The following COMP variants were observed in gnomAD, a reference collection of about 807,000 sequenced individuals.
The protein encoded by COMP is cartilage oligomeric matrix protein.
A neutral mutation model predicts 95.8 loss-of-function variants in COMP; 79 were observed. That is an observed-to-expected ratio of 0.82 (90% CI 0.69 to 0.99). The LOEUF (loss-of-function observed/expected upper bound fraction) is 0.99. Among genes scored for constraint, COMP ranks in the 50% least tolerant of loss-of-function variants. COMP has a pLI of 0.00. For missense variants in COMP, 906 were observed against 1,076.1 expected (o/e 0.84, Z 2.21); for synonymous variants, 438 against 433.9 (o/e 1.01, Z -0.12).
In COMP at chr19:18,786,136, C is replaced by G. The variant is rs1601053997; in HGVS notation, c.1318G>C (p.Gly440Arg). 1 of 1,614,170 alleles carries G rather than the reference C, an allele frequency of 6.2e-7. No homozygotes were observed. Among genetic ancestry groups the G allele is most frequent in the Non-Finnish European group, 8.5e-7 (1 of 1,180,042 alleles). The change falls in exon 13 of 19, where the codon GGA (glycine) becomes CGA (arginine). Residue 440 changes from glycine to arginine, a missense_variant. Gly to Arg is a moderately radical substitution (Grantham distance 125, BLOSUM62 -2). Transcript: ENST00000222271. Reference sequence around the variant, plus strand: ...CAGTTGTCCCGAGAGTCCTGATGTCCGTCTCCATCCCTAGAGTGGATAGGT... The same window carrying G: ...CAGTTGTCCCGAGAGTCCTGATGTCGGTCTCCATCCCTAGAGTGGATAGGT... ...CDSDQDQDGD[G>R]HQDSRDNCPT...
At position 18,789,263 on chromosome 19, in the gene COMP, C is replaced by G; in HGVS notation, c.425G>C (p.Cys142Ser). The G allele has an allele frequency of 6.6e-7, 1 of 1,512,216 alleles. No homozygotes were observed. The highest frequency in any genetic ancestry group is 8.8e-7 in the Non-Finnish European group (1 of 1,134,988). 93.7% of individuals were successfully genotyped at this position (1,512,216 alleles called of 1,614,324 possible). Residue 142 changes from cysteine (C) to serine (S), a missense_variant, in exon 5 of 19, where the codon TGT becomes TCT. Transcript: ENST00000222271. This position sits in a 1 kb window ranked among gnomAD's most constrained non-coding sequence, Gnocchi z 6.1. ...NAHPCFPRVR[C>S]INTSPGFRCE... Reference sequence around the variant, plus strand: ...GCGGAACCCCGGGCTGGTGTTGATACAGCGGACTCGGGGGAAGCAGGGGTG... The same window carrying G: ...GCGGAACCCCGGGCTGGTGTTGATAGAGCGGACTCGGGGGAAGCAGGGGTG...
chr19:18,790,235 G>A, intron 3 of COMP, 121 bp from the exon 4 acceptor site: 1 of 785,126 alleles, frequency 1.3e-6, no homozygotes, highest in Non-Finnish European at 1.9e-6. Context: ...CCGCCCCGGG[G>A]CGGCCCGAAA....
rs777322430 is a variant in COMP at position 18,791,198 on chromosome 19, G to A, written c.72C>T (p.Ser24=). 1.2e-5 allele frequency: 19 copies of A among 1,586,338 alleles called. No homozygotes were observed. Among genetic ancestry groups the A allele is most frequent in the Non-Finnish European group, 1.6e-5 (19 of 1,167,972 alleles). The change falls in exon 1 of 19, where the codon AGC becomes AGT. Residue 24 remains serine, a synonymous_variant. Coordinates refer to ENST00000222271, the MANE Select transcript of COMP (RefSeq NM_000095.3). ...AALGASGQGQ[S]PLGSDLGPQM... is the part of the protein sequence containing the mutation. The stretch of plus-strand genomic sequence containing the variant: ...GGTGCTAACGCGGCTTACCCAACGG[G>A]CTCTGGCCCTGTCCGGACGCGCCGA...
chr19:18,789,966 G>C lies in COMP; in HGVS notation c.366C>G (p.Gly122=). 1 of 1,595,094 alleles carries C rather than the reference G, an allele frequency of 6.3e-7. No homozygotes were observed. The highest frequency in any genetic ancestry group is 8.5e-7 in the Non-Finnish European group (1 of 1,178,246). The part of the protein sequence containing the change: ...GPCPAGFTGN[G]SHCTDVNECN... ...CCTCGTTGACGTCGGTGCAGTGCGA[G>C]CCGTTGCCCGTGAAGCCCGCGGGGC... Residue 122 remains glycine, a synonymous_variant, in exon 4 of 19, where the codon GGC becomes GGG. Transcript: ENST00000222271. This position sits in a 1 kb window ranked among gnomAD's most constrained non-coding sequence, Gnocchi z 6.1.
chr19:18,784,793 TGAGGCTAG>T lies in COMP; in HGVS notation c.1914+95_1914+102del. On this transcript the variant is annotated intron_variant, in intron 16 of 18. Transcript: ENST00000222271. The surrounding 1 kb of genome is among the most constrained non-coding windows in gnomAD (Gnocchi z 4.9). ...TGGGACAGCTTTGAGGTCCATAGTA[TGAGGCTAG>T]GGGGCTGGGGGGCTCTAAGGGCTGT... 7.6e-7 allele frequency: 1 copy of T among 1,311,814 alleles called. No homozygotes were observed. The highest frequency in any genetic ancestry group is 1.1e-6 in the Non-Finnish European group (1 of 922,614). 81.3% of individuals were successfully genotyped at this position (1,311,814 alleles called of 1,614,324 possible).
rs765118743 is a variant in COMP, at chr19:18,785,957, C to T, written c.1489+8G>A. ...CCGCCCCCACCGCAGGCCCCGCCCC[C>T]GCCGTACTGTCCGCGTCCTCCTGGC... On this transcript the variant is annotated splice_region_variant and intron_variant, in intron 13 of 18. Coordinates refer to ENST00000222271, the MANE Select transcript of COMP (RefSeq NM_000095.3). 58 of 1,596,984 alleles carry T rather than the reference C, an allele frequency of 3.6e-5. No homozygotes were observed. Among genetic ancestry groups the T allele is most frequent in the Non-Finnish European group, 4.8e-5 (56 of 1,173,918 alleles).
Position 18,787,545 on chromosome 19 carries a change from C to A in COMP, c.1081G>T (p.Asp361Tyr). 6.2e-7 allele frequency: 1 copy of A among 1,613,998 alleles called. No individual in the cohort carries two copies. The highest frequency in any genetic ancestry group is 8.5e-7 in the Non-Finnish European group (1 of 1,180,038). The change falls in exon 10 of 19, where the codon GAC (aspartate) becomes TAC (tyrosine). Residue 361 changes from aspartate to tyrosine, a missense_variant. Transcript: ENST00000222271. Reference sequence around the variant, plus strand: ...TCGCCCCGGCCGTCCTGGTCTGTGTCCTTTTGGTCGTCGTTCTTCTGGGAC... The same window carrying A: ...TCGCCCCGGCCGTCCTGGTCTGTGTACTTTTGGTCGTCGTTCTTCTGGGAC... ...CRSQKNDDQK[D>Y]TDQDGRGDAC...
intron 11 of COMP, 25 bp from the exon 12 acceptor site, chr19:18,786,316 C>A (rs1377793168): frequency 3.7e-6 from 6 of 1,613,458 alleles, no homozygotes; most frequent in African/African-American, 2.7e-5. Flanking sequence ...ATGCGGGGGT[C>A]CATAATCAGA....
chr19:18,786,817 G>A lies in COMP; in HGVS notation c.1136-167C>T, dbSNP rs555495366. ...TGAGACAGTCTCATTGTGTCACTCA[G>A]GCTGGAGTGCAGTGGCATGATCTCG... On this transcript the variant is annotated intron_variant, in intron 10 of 18. Coordinates refer to ENST00000222271, the MANE Select transcript of COMP (RefSeq NM_000095.3). The A allele has an allele frequency of 3.3e-5, 18 of 541,046 alleles. No individual in the cohort carries two copies. In the East Asian group the frequency reaches 5.3e-4, roughly 16 times the overall value. 33.5% of individuals were successfully genotyped at this position (541,046 alleles called of 1,614,324 possible).
In COMP at chr19:18,782,941, CA is replaced by C; in HGVS notation, c.2247del (p.Tyr749Ter). On this transcript the variant is annotated frameshift_variant, in exon 19 of 19. Coordinates refer to ENST00000222271, the MANE Select transcript of COMP (RefSeq NM_000095.3). LOFTEE classifies it high-confidence loss of function. Reference protein sequence around the residue: ...YRCNDTIPEDYETHQLRQA With the variant: ...YRCNDTIPEDXETHQLRQA ...TAGGCTTGCCGCAGCTGATGGGTCT[CA>C]TAGTCCTCTGGGATGGTGTCTGCAG... 6.2e-7 allele frequency: 1 copy of C among 1,612,632 alleles called. No homozygotes were observed. The highest frequency in any genetic ancestry group is 8.5e-7 in the Non-Finnish European group (1 of 1,179,980).
chr19:18,785,420 A>T, intron 15 of COMP, 78 bp downstream of exon 15: 1 of 1,498,678 alleles, frequency 6.7e-7, no homozygotes, highest in African/African-American at 1.6e-5. Flanking sequence ...GCCCATTCTC[A>T]GCCCGGGCCT....
rs138804934 is a variant in COMP at position 18,787,567 on chromosome 19, G to A, written c.1059C>T (p.Ser353=). The A allele has an allele frequency of 3.4e-5, 55 of 1,614,028 alleles. No homozygotes were observed. In the African/African-American group the frequency reaches 5.7e-4, roughly 17 times the overall value. Reference sequence around the variant, plus strand: ...TGTCCTTTTGGTCGTCGTTCTTCTGGGACCGGCAGTTGTCGCACGCATCGC... The same window carrying A: ...TGTCCTTTTGGTCGTCGTTCTTCTGAGACCGGCAGTTGTCGCACGCATCGC... ...KWGDACDNCR[S]QKNDDQKDTD... is the part of the protein sequence containing the mutation. Residue 353 remains serine (S), a synonymous_variant, in exon 10 of 19, where the codon TCC becomes TCT. Coordinates refer to ENST00000222271, the MANE Select transcript of COMP (RefSeq NM_000095.3).
intron 12 of COMP, 22 bp downstream of exon 12, chr19:18,786,217 C>T (rs774086015): frequency 1.9e-6 from 3 of 1,614,152 alleles, no homozygotes; most frequent in East Asian, 2.2e-5. Context: ...ACCCGGACGC[C>T]CACCCCAGGT....
chr19:18,789,448 G>T lies in COMP; in HGVS notation c.391-151C>A. 1 of 924,038 alleles carries T rather than the reference G, an allele frequency of 1.1e-6. No individual in the cohort carries two copies. Among genetic ancestry groups the T allele is most frequent in the Non-Finnish European group, 1.6e-6 (1 of 641,582 alleles). The allele number at this position is 924,038 out of a possible 1,614,324, so 57.2% of individuals were successfully genotyped here. A position where few individuals can be genotyped will look rare whatever the true frequency, so the allele number is the denominator to read the frequency against. ...AGCAATTGTCGCAGGGGTCAGGCAC[G>T]ACTTTGCCTTGATGACGGCAAGGGC... On this transcript the variant is annotated intron_variant, in intron 4 of 18. Coordinates refer to ENST00000222271, the MANE Select transcript of COMP (RefSeq NM_000095.3). The surrounding 1 kb of genome is among the most constrained non-coding windows in gnomAD (Gnocchi z 6.1).
In COMP at chr19:18,786,209, C is replaced by T. The variant is rs563307476; in HGVS notation, c.1307+30G>A. On this transcript the variant is annotated intron_variant, in intron 12 of 18. Transcript: ENST00000222271. ...TCCAGAGCGTTTTGTCAAAGGCTAC[C>T]CGGACGCCCACCCCAGGTGGCCTCC... 1.1e-5 allele frequency: 18 copies of T among 1,614,154 alleles called. No individual in the cohort carries two copies. In the African/African-American group the frequency reaches 2.4e-4, roughly 22 times the overall value.
At chr19:18,791,100 G>T in intron 1 of COMP, 91 bp downstream of exon 1, 1 of 1,516,958 alleles carries the variant, frequency 6.6e-7, no homozygotes, top group South Asian at 1.2e-5. Flanking sequence ...AACAGTCCGT[G>T]AGCCCCAAAC....
At position 18,788,740 on chromosome 19, in the gene COMP, T is replaced by A. The variant is rs1467567866; in HGVS notation, c.614A>T (p.Gln205Leu). ...GAAGCCGGGCTGGCACGGGCCGCACTGGAAGGAGCCCTGCGCCGGAGCCGC... is the reference window on the plus strand; with the variant it reads ...GAAGCCGGGCTGGCACGGGCCGCACAGGAAGGAGCCCTGCGCCGGAGCCGC... The part of the protein sequence containing the change: ...SVCINTRGSF[Q>L]CGPCQPGFVG... The change falls in exon 7 of 19, where the codon CAG (glutamine) becomes CTG (leucine). Residue 205 changes from glutamine (Q) to leucine (L), a missense_variant. Physicochemically the swap from Gln to Leu is moderately radical, Grantham distance 113. Coordinates refer to ENST00000222271, the MANE Select transcript of COMP (RefSeq NM_000095.3). The surrounding 1 kb of genome is among the most constrained non-coding windows in gnomAD (Gnocchi z 4.7). 1 of 1,561,500 alleles carries A rather than the reference T, an allele frequency of 6.4e-7. No individual in the cohort carries two copies. Among genetic ancestry groups the A allele is most frequent in the African/African-American group, 1.3e-5 (1 of 74,080 alleles).
In COMP at chr19:18,790,029, G is replaced by A. The variant is rs1162192674; in HGVS notation, c.303C>T (p.Ala101=). The A allele has an allele frequency of 1.9e-6, 3 of 1,576,886 alleles. No individual in the cohort carries two copies. The Admixed American group carries it at 5.4e-5, about 29-fold the overall frequency. ...CAPGFCFPGV[A]CIQTESGARC... Reference sequence around the variant, plus strand: ...GCGCGCCGCTCTCCGTCTGGATGCAGGCCACGCCGGGGAAGCAGAAGCCGG... The same window carrying A: ...GCGCGCCGCTCTCCGTCTGGATGCAAGCCACGCCGGGGAAGCAGAAGCCGG... The change falls in exon 4 of 19, where the codon GCC becomes GCT. Residue 101 remains alanine, a synonymous_variant. Transcript: ENST00000222271.
intron 9 of COMP, among the ~76,000 whole-genome samples, chr19:18,787,940 T>G (rs2055181791): frequency 6.7e-6 from 1 of 150,304 alleles, no homozygotes; most frequent in Non-Finnish European, 1.5e-5. Context: ...AGTCTTGCTC[T>G]GTCGCTAGGC....
Sources: gnomAD v4.1 joint callset for allele counts (sites outside exome capture counted in the v4.1 genomes callset) on GRCh38, gnomAD v4.1.1 for gene constraint, Gnocchi (gnomAD v3.1) non-coding constraint, MANE v1.5 for transcripts, NCBI Gene and HGNC (gene_info 2026-07-23, HGNC 2026-07-21) for gene names.